Variants in CHODL observed in about 807,000 individuals in gnomAD.
CHODL encodes chondrolectin.
CHODL carries 29 observed loss-of-function variants against 34.5 expected under a neutral mutation model. The ratio of observed to expected loss-of-function variants is 0.84; its 90% CI spans 0.63 to 1.15. CHODL has a LOEUF of 1.15. CHODL is among the 50% of genes most tolerant of loss of function. The probability of loss-of-function intolerance (pLI) is 0.00; values close to 1 mark genes in which losing one functional copy is unlikely to be tolerated. For missense variants in CHODL, 332 were observed against 332.5 expected, an observed-to-expected ratio of 1.00 and a Z score of 0.01; for synonymous variants, 125 against 116.1, an observed-to-expected ratio of 1.08 and a Z score of -0.49.
chr21:17,945,148 C>T (rs2063396185), intron 1 of CHODL, among the ~76,000 whole-genome samples: 3 of 149,984 alleles, frequency 2.0e-5, no homozygotes, highest in African/African-American at 7.4e-5. Context: ...GGAGGCGGAG[C>T]TTGCAGTGAG....
chr21:18,174,258 C>T (rs921070412), intron 2 of CHODL, among the ~76,000 whole-genome samples: 10 of 148,958 alleles, frequency 6.7e-5, no homozygotes, highest in South Asian at 4.2e-4. Flanking sequence ...AATAATGTAA[C>T]GCTAGATATG....
rs2065323181 is a variant in CHODL, at chr21:18,109,676, G to A, written c.-45+81705G>A. ...TCAGCAAATCTTTATATATGTTCAG[G>A]GCTGCATTGTAAGTGTTAAATAAAT... is the stretch of plus-strand genomic sequence containing the variant. On this transcript the variant is annotated intron_variant, in intron 2 of 6. Transcript: ENST00000400127. Among the ~76,000 whole-genome samples, 6 of 151,966 alleles carry A rather than the reference G, an allele frequency of 3.9e-5. No individual in the cohort carries two copies. The South Asian group carries it at 1.2e-3, about 32-fold the overall frequency.
intron 2 of CHODL, among the ~76,000 whole-genome samples, chr21:18,118,968 C>G (rs1039742193): frequency 6.6e-5 from 10 of 152,308 alleles, no homozygotes; most frequent in African/African-American, 2.4e-4. Flanking sequence ...CGGCCTTGCT[C>G]CACTCCCAGC....
chr21:18,047,995 A>G lies in CHODL; in HGVS notation c.-45+20024A>G, dbSNP rs17002296. ...TGCTTGTGCTGTATCTCTTCAGTCT[A>G]CAGAACGTTATACATTTTCCACTTA... On this transcript the variant is annotated intron_variant, in intron 2 of 6. Transcript: ENST00000400127. 2.9e-3 allele frequency among the ~76,000 whole-genome samples: 440 copies of G among 152,000 alleles called. 2 individuals carry two copies. The highest frequency in any genetic ancestry group is 0.01 in the African/African-American group (422 of 41,520).
At chr21:18,231,250 C>T (rs2073975822) in intron 2 of CHODL, among the ~76,000 whole-genome samples, 1 of 152,098 alleles carries the variant, frequency 6.6e-6, no homozygotes, top group African/African-American at 2.4e-5. Flanking sequence ...CCCTGCCAGC[C>T]CACTAAAATG....
At chr21:18,007,155 A>G (rs1454243873) in intron 1 of CHODL, among the ~76,000 whole-genome samples, 4 of 152,236 alleles carry the variant, frequency 2.6e-5, no homozygotes, top group African/African-American at 9.6e-5. Context: ...AAAAAAAGAA[A>G]AAAACTAACT....
chr21:17,997,806 C>T (rs866965349), intron 1 of CHODL, among the ~76,000 whole-genome samples: 2 of 152,124 alleles, frequency 1.3e-5, no homozygotes, highest in African/African-American at 4.8e-5. Flanking sequence ...CCCCACCCCT[C>T]CAGCCCCTCC....
chr21:18,038,046 T>A (rs2064331332), intron 2 of CHODL, among the ~76,000 whole-genome samples: 1 of 151,802 alleles, frequency 6.6e-6, no homozygotes, highest in Non-Finnish European at 1.5e-5. Context: ...CTTTACAATT[T>A]TTTTTAATCA....
intron 1 of CHODL, among the ~76,000 whole-genome samples, chr21:17,998,980 C>A (rs2063879221): frequency 6.6e-6 from 1 of 152,184 alleles, no homozygotes; most frequent in Admixed American, 6.5e-5. Flanking sequence ...GTTTTTCATT[C>A]CTACTGCATT....
At chr21:18,206,520 G>C (rs925240501) in intron 2 of CHODL, among the ~76,000 whole-genome samples, 5 of 151,298 alleles carry the variant, frequency 3.3e-5, no homozygotes, top group Admixed American at 2.0e-4. Context: ...TTTAGTCTCT[G>C]TGTGTCTTCA....
At chr21:18,254,741 C>G (rs2074296542) in intron 1 of CHODL, among the ~76,000 whole-genome samples, 1 of 151,970 alleles carries the variant, frequency 6.6e-6, no homozygotes, top group South Asian at 2.1e-4. Context: ...TCTAATCTGG[C>G]ATATATATGT....
intron 2 of CHODL, among the ~76,000 whole-genome samples, chr21:18,221,884 T>G (rs1020644284): frequency 6.6e-6 from 1 of 152,092 alleles, no homozygotes; most frequent in African/African-American, 2.4e-5. Context: ...GGATCCAGAG[T>G]GATGTGCATG....
upstream of CHODL, among the ~76,000 whole-genome samples, chr21:18,241,425 G>T (rs887097994): frequency 2.0e-5 from 3 of 152,160 alleles, no homozygotes; most frequent in African/African-American, 7.2e-5. Flanking sequence ...GTTAGTTAAT[G>T]TTGGATTCTG....
chr21:17,946,291 T>C (rs113801106), intron 1 of CHODL, among the ~76,000 whole-genome samples: 187 of 152,108 alleles, frequency 1.2e-3, no homozygotes, highest in Middle Eastern at 6.8e-3. Flanking sequence ...TGGTGGCGGG[T>C]GCCTGTGGTC....
Position 18,245,125 on chromosome 21 carries a change from C to G in CHODL, c.-99C>G. The G allele has an allele frequency of 9.5e-7, 1 of 1,054,738 alleles. No individual in the cohort carries two copies. Among genetic ancestry groups the G allele is most frequent in the Non-Finnish European group, 1.3e-6 (1 of 769,852 alleles). The allele number at this position is 1,054,738 out of a possible 1,614,324, so 65.3% of individuals were successfully genotyped here. A position where few individuals can be genotyped will look rare whatever the true frequency, so the allele number is the denominator to read the frequency against. On this transcript the variant is annotated 5_prime_UTR_variant, in exon 1 of 6. Transcript: ENST00000299295. ...CTCGGGCGGCGGGAGTAGGGCCCGG[C>G]AGGGAGGCAGGGAGGCTGCAGAGTC... is the stretch of plus-strand genomic sequence containing the variant.
intron 2 of CHODL, among the ~76,000 whole-genome samples, chr21:18,194,951 T>C (rs1243040177): frequency 6.6e-6 from 1 of 152,148 alleles, no homozygotes; most frequent in African/African-American, 2.4e-5. Flanking sequence ...TGCTTATCAT[T>C]TTCTGTGGGG....
At chr21:17,926,351 T>C (rs1410032568) in intron 1 of CHODL, among the ~76,000 whole-genome samples, 1 of 149,818 alleles carries the variant, frequency 6.7e-6, no homozygotes, top group African/African-American at 2.4e-5. Flanking sequence ...AGTAAGCTAC[T>C]GAGGGTAACA....
chr21:18,214,553 T>C (rs545386611), intron 2 of CHODL, among the ~76,000 whole-genome samples: 4 of 152,288 alleles, frequency 2.6e-5, no homozygotes, highest in African/African-American at 9.6e-5. Flanking sequence ...ATTTTTTGCC[T>C]GTCTTGCCAT....
At chr21:18,254,841 A>C (rs910016262) in intron 1 of CHODL, among the ~76,000 whole-genome samples, 1 of 152,136 alleles carries the variant, frequency 6.6e-6, no homozygotes, top group African/African-American at 2.4e-5. Flanking sequence ...ACTGCTTAAC[A>C]TGTAGAGGTA....
Sources: allele counts gnomAD v4.1 joint callset (sites outside exome capture counted in the v4.1 genomes callset), GRCh38; gene constraint gnomAD v4.1.1; transcripts MANE v1.5; gene names NCBI Gene and HGNC (gene_info 2026-07-23, HGNC 2026-07-21).